The following MTERF4 variants were observed in gnomAD, a reference collection of about 807,000 sequenced individuals.
MTERF4 encodes transcription termination factor 4, mitochondrial.
MTERF4 carries 17 observed loss-of-function variants against 22.5 expected under a neutral mutation model. That is an observed-to-expected ratio of 0.75 (90% confidence interval 0.52 to 1.13). The LOEUF (loss-of-function observed/expected upper bound fraction) is 1.13, where lower values mean the gene tolerates loss of function less well. MTERF4 is among the 50% of genes most tolerant of loss of function. The probability of loss-of-function intolerance (pLI) is 0.00; values close to 1 mark genes in which losing one functional copy is unlikely to be tolerated. For missense variants in MTERF4, 420 were observed against 466.8 expected (o/e 0.90, Z 0.92); for synonymous variants, 165 against 175.3 (o/e 0.94, Z 0.47).
downstream of MTERF4, among the ~76,000 whole-genome samples, chr2:241,083,174 G>C (rs2063414222): frequency 3.3e-5 from 5 of 152,190 alleles, no homozygotes; most frequent in South Asian, 1.0e-3. Context: ...GGGCAGGGCT[G>C]GTGCAGCAAG....
chr2:241,084,134 A>ATTTTTTT (rs368364855), downstream of MTERF4, among the ~76,000 whole-genome samples: 139 of 123,270 alleles, frequency 1.1e-3, 4 homozygotes, highest in African/African-American at 2.8e-3. Flanking sequence ...AGCGTCTAGG[A>ATTTTTTT]TTTTTTTTTT....
intron 1 of MTERF4, among the ~76,000 whole-genome samples, chr2:241,100,540 T>C (rs1259345802): frequency 1.3e-5 from 2 of 152,182 alleles, no homozygotes; most frequent in East Asian, 3.9e-4. Flanking sequence ...CATGGCTCAC[T>C]GCAGCCTTGA....
chr2:241,053,173 G>C, the MTERF4 span: 1 of 1,610,916 alleles, frequency 6.2e-7, no homozygotes. Context: ...CGGCCCCCCG[G>C]AGGAGGTGAA....
At chr2:241,054,318 T>C in the MTERF4 span, among the ~76,000 whole-genome samples, 3 of 152,154 alleles carry the variant, frequency 2.0e-5, no homozygotes, top group East Asian at 3.8e-4. Flanking sequence ...CCAGAAAATA[T>C]GTATGATCGG....
chr2:241,079,852 T>A (rs1692748038), intron 4 of MTERF4, among the ~76,000 whole-genome samples: 1 of 152,226 alleles, frequency 6.6e-6, no homozygotes, highest in Non-Finnish European at 1.5e-5. Context: ...TACTCAGTGA[T>A]CTTAATGTTA....
Position 241,096,129 on chromosome 2 carries a change from G to C in MTERF4, c.1015C>G (p.Leu339Val), listed in dbSNP as rs2240539. The change falls in exon 4 of 4, where the codon CTG becomes GTG. Residue 339 changes from leucine (L) to valine (V), a missense_variant. Transcript: ENST00000391980. This position sits in a 1 kb window ranked among gnomAD's most constrained non-coding sequence, Gnocchi z 5.1. ...TCATCGTCATCCTCATCCTCATCCA[G>C]ACTTGCCCTTTTGTCATCAGATGTG... ...SSTSDDKRAS[L>V]DEDEDDDDEE... The C allele has an allele frequency of 0.07, 113,397 of 1,613,662 alleles. 4,806 individuals carry two copies. The highest frequency in any genetic ancestry group is 0.18 in the African/African-American group (13,616 of 74,774).
intron 2 of MTERF4, 87 bp from the exon 3 acceptor site, chr2:241,097,514 T>A: frequency 7.7e-7 from 1 of 1,298,556 alleles, no homozygotes; most frequent in Non-Finnish European, 1.1e-6. Flanking sequence ...TAAGTCCACA[T>A]TTAAAAACAA....
At chr2:241,063,809 G>A in the MTERF4 span, 2 of 892,632 alleles carry the variant, frequency 2.2e-6, no homozygotes, top group African/African-American at 3.4e-5. Context: ...CCTGGGGAGA[G>A]GGACCCCCAG....
chr2:241,063,602 G>A, the MTERF4 span: 6 of 1,609,004 alleles, frequency 3.7e-6, no homozygotes, highest in African/African-American at 2.7e-5. Context: ...GATGAGTGCC[G>A]AGCTCACCCG....
downstream of MTERF4, chr2:241,069,815 G>A: frequency 7.6e-7 from 1 of 1,323,738 alleles, no homozygotes; most frequent in Non-Finnish European, 1.0e-6. The surrounding 1 kb of genome is among the most constrained non-coding windows in gnomAD (Gnocchi z 4.9). Flanking sequence ...AAAGAATCTG[G>A]CTTCCAGCAA....
chr2:241,052,669 C>T, the MTERF4 span, among the ~76,000 whole-genome samples: 458 of 36,100 alleles, frequency 0.013, 48 homozygotes, highest in East Asian at 0.16. Context: ...GACACCGGTG[C>T]CAGGCAGGTG....
At chr2:241,068,887 C>G (rs1338956929), downstream of MTERF4, 4 of 1,499,982 alleles carry the variant, frequency 2.7e-6, no homozygotes, top group African/African-American at 5.6e-5. This position sits in a 1 kb window ranked among gnomAD's most constrained non-coding sequence, Gnocchi z 5.3. Flanking sequence ...TCCCTGTTCT[C>G]TCTTTGTCAC....
chr2:241,051,820 C>T, the MTERF4 span: 1 of 1,562,622 alleles, frequency 6.4e-7, no homozygotes, highest in Non-Finnish European at 8.7e-7. The surrounding 1 kb of genome is among the most constrained non-coding windows in gnomAD (Gnocchi z 4.7). Context: ...AGTACCACTG[C>T]AGCTGCCCCT....
the MTERF4 span, among the ~76,000 whole-genome samples, chr2:241,052,635 C>A: frequency 5.6e-5 from 5 of 88,520 alleles, no homozygotes; most frequent in South Asian, 1.7e-3. Context: ...GTGAGAGGGC[C>A]GGGGGGCCAA....
At chr2:241,068,182 G>A (rs942447377), downstream of MTERF4, among the ~76,000 whole-genome samples, 10 of 152,164 alleles carry the variant, frequency 6.6e-5, no homozygotes, top group African/African-American at 2.4e-4. This position sits in a 1 kb window ranked among gnomAD's most constrained non-coding sequence, Gnocchi z 5.3. Context: ...GTTTTAAAGT[G>A]TCCAAAAAGA....
chr2:241,076,163 A>G (rs977191143), intron 4 of MTERF4, among the ~76,000 whole-genome samples: 2 of 151,898 alleles, frequency 1.3e-5, no homozygotes, highest in Non-Finnish European at 2.9e-5. Context: ...ATCTAGTCAC[A>G]CTCTATGGAA....
downstream of MTERF4, among the ~76,000 whole-genome samples, chr2:241,069,631 C>T (rs1034387132): frequency 7.2e-5 from 11 of 152,288 alleles, no homozygotes; most frequent in South Asian, 4.1e-4. This position sits in a 1 kb window ranked among gnomAD's most constrained non-coding sequence, Gnocchi z 4.9. Context: ...TCAGGGGAAC[C>T]GACTGTGCCG....
chr2:241,050,604 T>C, the MTERF4 span, among the ~76,000 whole-genome samples: 1 of 152,176 alleles, frequency 6.6e-6, no homozygotes, highest in African/African-American at 2.4e-5. Flanking sequence ...GACCCTGAAG[T>C]CTGAGCCCTG....
At chr2:241,088,956 T>C (rs73112107), downstream of MTERF4, 1,396 of 229,272 alleles carry the variant, frequency 6.1e-3, 22 homozygotes, top group African/African-American at 0.03. Context: ...AAGTCGTCAC[T>C]GACACTGGGC....
Sources: allele counts gnomAD v4.1 joint callset (sites outside exome capture counted in the v4.1 genomes callset), GRCh38; gene constraint gnomAD v4.1.1; non-coding constraint Gnocchi (gnomAD v3.1); transcripts MANE v1.5; gene names NCBI Gene and HGNC (gene_info 2026-07-23, HGNC 2026-07-21).